Variants in ATP11A observed in about 807,000 individuals in gnomAD.
ATP11A encodes the protein ATPase phospholipid transporting 11A.
ATP11A carries 81 observed loss-of-function variants against 154.4 expected under a neutral mutation model. The observed-to-expected ratio is 0.52, with a 90% CI of 0.44 to 0.63. The LOEUF is 0.63. Among genes scored for constraint, ATP11A ranks in the 30% least tolerant of loss-of-function variants. ATP11A has a pLI of 0.00. For missense variants in ATP11A, 1,316 were observed against 1,474.3 expected, an observed-to-expected ratio of 0.89 and a Z score of 1.76; for synonymous variants, 623 against 585.9, an observed-to-expected ratio of 1.06 and a Z score of -0.91.
At chr13:112,694,439 G>T (rs1022695237) in intron 1 of ATP11A, among the ~76,000 whole-genome samples, 1 of 152,172 alleles carries the variant, frequency 6.6e-6, no homozygotes, top group Non-Finnish European at 1.5e-5. Context: ...CACAGGAGAG[G>T]TAAACCGGGC....
intron 1 of ATP11A, among the ~76,000 whole-genome samples, chr13:112,784,245 C>T (rs1055831297): frequency 1.3e-5 from 2 of 152,180 alleles, no homozygotes; most frequent in African/African-American, 4.8e-5. Flanking sequence ...TGTAGGCGAT[C>T]GGGTCATTGC....
intron 16 of ATP11A, among the ~76,000 whole-genome samples, chr13:112,836,650 G>A (rs1415122045): frequency 1.3e-5 from 2 of 152,200 alleles, no homozygotes; most frequent in Admixed American, 1.3e-4. Context: ...AGGTAATGTG[G>A]GTTTGCAAAT....
At chr13:112,841,689 G>A (rs1379248784) in intron 16 of ATP11A, among the ~76,000 whole-genome samples, 1 of 152,266 alleles carries the variant, frequency 6.6e-6, no homozygotes, top group Non-Finnish European at 1.5e-5. Flanking sequence ...CAGCAGAACT[G>A]TCGTGGCCTT....
intron 16 of ATP11A, among the ~76,000 whole-genome samples, chr13:112,837,446 G>A (rs918892853): frequency 5.9e-5 from 9 of 152,222 alleles, no homozygotes; most frequent in Admixed American, 4.6e-4. Context: ...CTGCCTGCAC[G>A]CATCCCGAAC....
chr13:112,850,387 C>G (rs757172400), intron 17 of ATP11A, among the ~76,000 whole-genome samples: 1 of 152,152 alleles, frequency 6.6e-6, no homozygotes, highest in African/African-American at 2.4e-5. Flanking sequence ...ATCTGTAAAC[C>G]GCCCCCTGTG....
chr13:112,701,150 C>T (rs911985805), intron 1 of ATP11A, among the ~76,000 whole-genome samples: 7 of 152,196 alleles, frequency 4.6e-5, no homozygotes, highest in African/African-American at 9.7e-5. Context: ...CGCCTGTGGC[C>T]GTCTCCACGG....
At chr13:112,823,497 G>A (rs867818726) in intron 9 of ATP11A, 88 bp downstream of exon 9, 21 of 1,107,846 alleles carry the variant, frequency 1.9e-5, no homozygotes, top group Middle Eastern at 4.0e-4. Flanking sequence ...ACCCGAGAGC[G>A]TTTCTTGGCA....
chr13:112,803,911 TCC>T (rs2078225352), intron 2 of ATP11A, among the ~76,000 whole-genome samples: 1 of 72,808 alleles, frequency 1.4e-5, no homozygotes, highest in Non-Finnish European at 2.8e-5. Flanking sequence ...CTCCTTCACC[TCC>T]CTCCCCCCAT....
rs1004326527 is a variant in ATP11A at position 112,753,417 on chromosome 13, G to A, written c.40-31718G>A. Among the ~76,000 whole-genome samples, 1 of 152,226 alleles carries A rather than the reference G, an allele frequency of 6.6e-6. No individual in the cohort carries two copies. Among genetic ancestry groups the A allele is most frequent in the Non-Finnish European group, 1.5e-5 (1 of 68,046 alleles). On this transcript the variant is annotated intron_variant, in intron 1 of 29. Transcript: ENST00000375645. This position sits in a 1 kb window ranked among gnomAD's most constrained non-coding sequence, Gnocchi z 4.1. ...GCGGTTTGCTCTGTCAGTGCCGTAG[G>A]AGGATGCCTGTTCTCCACCTACCTC...
intron 17 of ATP11A, among the ~76,000 whole-genome samples, chr13:112,843,580 C>G: frequency 6.6e-6 from 1 of 152,204 alleles, no homozygotes; most frequent in East Asian, 1.9e-4. Context: ...AAGGCTGGCT[C>G]TGCACCAAGG....
intron 2 of ATP11A, among the ~76,000 whole-genome samples, chr13:112,803,585 G>C (rs2078195604): frequency 6.6e-6 from 1 of 150,420 alleles, no homozygotes; most frequent in African/African-American, 2.5e-5. Flanking sequence ...TGACATCTGG[G>C]ACGTTGTTGT....
At position 112,813,581 on chromosome 13, in the gene ATP11A, T is replaced by G. The variant is rs969915228; in HGVS notation, c.442-2502T>G. Among the ~76,000 whole-genome samples the G allele has an allele frequency of 2.0e-5, 3 of 152,342 alleles. No homozygotes were observed. The South Asian group carries it at 6.2e-4, about 32-fold the overall frequency. On this transcript the variant is annotated intron_variant, in intron 5 of 29. Coordinates refer to ENST00000375645, the MANE Select transcript of ATP11A (RefSeq NM_015205.3). The stretch of plus-strand genomic sequence containing the variant: ...GCTGCTATGAATATTTGTGTGCAAG[T>G]TTTCTTGTGAATTTAGTTTTCATTT...
chr13:112,826,714 C>A lies in ATP11A; in HGVS notation c.1044C>A (p.Asp348Glu). 1 of 1,614,242 alleles carries A rather than the reference C, an allele frequency of 6.2e-7. No individual in the cohort carries two copies. The highest frequency in any genetic ancestry group is 8.5e-7 in the Non-Finnish European group (1 of 1,180,056). ...TGCAGTTCCTCAAGGCATTCACGGA[C>A]TTCCTGGCCTTCATGGTCCTCTTTA... ...QRNLFLKAFT[D>E]FLAFMVLFNY... is the part of the protein sequence containing the mutation. The change falls in exon 12 of 30, where the codon GAC becomes GAA. Residue 348 changes from aspartate (D) to glutamate (E), a missense_variant. Coordinates refer to ENST00000375645, the MANE Select transcript of ATP11A (RefSeq NM_015205.3).
rs1461206274 is a variant in ATP11A at position 112,807,831 on chromosome 13, G to A, written c.333+1538G>A. On this transcript the variant is annotated intron_variant, in intron 4 of 29. Coordinates refer to ENST00000375645, the MANE Select transcript of ATP11A (RefSeq NM_015205.3). The surrounding 1 kb of genome is among the most constrained non-coding windows in gnomAD (Gnocchi z 4.5). ...AGGAGACCCCTGAGCCTCTCAAGGG[G>A]AGCAGAGAGAAGGGGCGCGGGGGTG... 3.3e-5 allele frequency among the ~76,000 whole-genome samples: 5 copies of A among 152,146 alleles called. No individual in the cohort carries two copies. The highest frequency in any genetic ancestry group is 1.2e-4 in the African/African-American group (5 of 41,432).
chr13:112,875,150 C>A lies in ATP11A; in HGVS notation c.3162-626C>A, dbSNP rs1458721731. Among the ~76,000 whole-genome samples, 1 of 152,226 alleles carries A rather than the reference C, an allele frequency of 6.6e-6. No individual in the cohort carries two copies. The highest frequency in any genetic ancestry group is 1.5e-5 in the Non-Finnish European group (1 of 68,036). On this transcript the variant is annotated intron_variant, in intron 27 of 29. Coordinates refer to ENST00000375645, the MANE Select transcript of ATP11A (RefSeq NM_015205.3). The surrounding 1 kb of genome is among the most constrained non-coding windows in gnomAD (Gnocchi z 4.1). ...CCTGCTTCCGTTTCCCTCCTGTTGT[C>A]CACACACCAGTTTCACTGTGCTTCC...
intron 2 of ATP11A, among the ~76,000 whole-genome samples, chr13:112,791,933 A>G (rs983659400): frequency 2.0e-5 from 3 of 152,192 alleles, no homozygotes; most frequent in Non-Finnish European, 2.9e-5. Flanking sequence ...GACCGGGGTC[A>G]ACAGGCTCTC....
chr13:112,815,281 C>T (rs1340464663), intron 5 of ATP11A, among the ~76,000 whole-genome samples: 5 of 149,498 alleles, frequency 3.3e-5, no homozygotes, highest in East Asian at 1.9e-4. Context: ...TCCAGATCTG[C>T]GATACCTTCC....
At chr13:112,872,144 T>G (rs1032855086) in intron 26 of ATP11A, among the ~76,000 whole-genome samples, 1 of 152,212 alleles carries the variant, frequency 6.6e-6, no homozygotes, top group Non-Finnish European at 1.5e-5. Flanking sequence ...ACACTTTAAT[T>G]GAAACAAATT....
intron 1 of ATP11A, among the ~76,000 whole-genome samples, chr13:112,718,150 G>A (rs1888707914): frequency 6.6e-6 from 1 of 151,944 alleles, no homozygotes; most frequent in African/African-American, 2.4e-5. Flanking sequence ...AACAGGAGTT[G>A]TCTCTCCCCC....
Sources: allele counts gnomAD v4.1 joint callset (sites outside exome capture counted in the v4.1 genomes callset), GRCh38; gene constraint gnomAD v4.1.1; non-coding constraint Gnocchi (gnomAD v3.1); transcripts MANE v1.5; gene names NCBI Gene and HGNC (gene_info 2026-07-23, HGNC 2026-07-21).